ZNF131: variants seen among roughly 807,000 people sequenced by gnomAD.
The protein encoded by ZNF131 is zinc finger and BTB domain containing 35, also known as zinc finger protein 131.
Under a neutral mutation model 60.0 loss-of-function variants are expected in ZNF131, and 7 were observed. The observed-to-expected ratio is 0.12, with a 90% CI of 0.07 to 0.22. The LOEUF (loss-of-function observed/expected upper bound fraction) is 0.22. ZNF131 is among the 10% of genes least tolerant of loss of function. ZNF131 has a pLI of 1.00. For synonymous variants in ZNF131, 257 were observed against 253.2 expected, an observed-to-expected ratio of 1.01 and a Z score of -0.14; for missense variants, 493 against 740.9, an observed-to-expected ratio of 0.67 and a Z score of 3.88.
At chr5:43,159,434 C>T (rs1002936511) in intron 4 of ZNF131, among the ~76,000 whole-genome samples, 16 of 152,072 alleles carry the variant, frequency 1.1e-4, no homozygotes, top group Non-Finnish European at 2.2e-4. Flanking sequence ...TGGCTCTTAC[C>T]GGTAATTCCA....
At chr5:43,127,306 C>T (rs932488840) in intron 3 of ZNF131, among the ~76,000 whole-genome samples, 2 of 152,148 alleles carry the variant, frequency 1.3e-5, no homozygotes, top group Admixed American at 6.5e-5. Context: ...AATTAAAAAT[C>T]TTTCAGGAGT....
intron 5 of ZNF131, 42 bp downstream of exon 5, chr5:43,161,973 G>A: frequency 6.6e-7 from 1 of 1,510,424 alleles, no homozygotes. Flanking sequence ...TTTCCCACAT[G>A]CACTTCAAAT....
Position 43,158,499 on chromosome 5 carries a change from A to G in ZNF131, c.372-2750A>G, listed in dbSNP as rs536218540. ...GAGATGGGGTTTCTCTATGTTGGTC[A>G]GGCTGGTCTCGAACTCCTGACCTCA... On this transcript the variant is annotated intron_variant, in intron 4 of 6. Coordinates refer to ENST00000682664, the MANE Select transcript of ZNF131 (RefSeq NM_001330707.2). Among the ~76,000 whole-genome samples the G allele has an allele frequency of 8.5e-5, 13 of 152,262 alleles. No individual in the cohort carries two copies. In the South Asian group the frequency reaches 2.7e-3, roughly 32 times the overall value.
chr5:43,148,702 T>A (rs137893576), intron 4 of ZNF131, among the ~76,000 whole-genome samples: 42 of 152,374 alleles, frequency 2.8e-4, no homozygotes, highest in African/African-American at 1.0e-3. Flanking sequence ...TCATTCTAAT[T>A]GGATATGTAG....
intron 5 of ZNF131, among the ~76,000 whole-genome samples, chr5:43,163,155 A>T (rs889802019): frequency 1.3e-5 from 2 of 151,408 alleles, no homozygotes; most frequent in Non-Finnish European, 2.9e-5. Flanking sequence ...TTGTATTTTT[A>T]GTAGAGACGG....
intron 5 of ZNF131, among the ~76,000 whole-genome samples, chr5:43,172,933 C>CCTAGCACATGGT (rs1242941866): frequency 1.3e-5 from 2 of 152,142 alleles, no homozygotes; most frequent in African/African-American, 2.4e-5. Context: ...ACCTTCATCA[C>CCTAGCACATGGT]CTAGCACATG....
intron 2 of ZNF131, among the ~76,000 whole-genome samples, chr5:43,122,404 T>C (rs1180781701): frequency 6.6e-6 from 1 of 152,196 alleles, no homozygotes; most frequent in East Asian, 1.9e-4. Context: ...CGTAGTCTGG[T>C]GTTCATCTCA....
chr5:43,143,898 C>CT lies in ZNF131; in HGVS notation c.371+4627dup, dbSNP rs79246574. ...TAGGTTCTCTGGAATATTGTCAGAG[C>CT]TTTTTTTTTTTTTTTTTTTTTTTTT... is the stretch of plus-strand genomic sequence containing the variant. On this transcript the variant is annotated intron_variant, in intron 4 of 6. Transcript: ENST00000682664. Among the ~76,000 whole-genome samples the CT allele has an allele frequency of 4.7e-3, 164 of 34,988 alleles. 48 individuals are homozygous for CT. Among genetic ancestry groups the CT allele is most frequent in the Non-Finnish European group, 5.7e-3 (114 of 20,168 alleles). The allele number at this position is 34,988 out of a possible 152,430, so 23.0% of individuals were successfully genotyped here.
chr5:43,143,673 TAA>T (rs1747148777), intron 4 of ZNF131, among the ~76,000 whole-genome samples: 1 of 152,148 alleles, frequency 6.6e-6, no homozygotes, highest in Admixed American at 6.6e-5. Flanking sequence ...GAAATTTTCT[TAA>T]AAGTCTTAAA....
At chr5:43,147,510 C>T (rs1308799639) in intron 4 of ZNF131, among the ~76,000 whole-genome samples, 1 of 151,568 alleles carries the variant, frequency 6.6e-6, no homozygotes, top group Non-Finnish European at 1.5e-5. Flanking sequence ...CTCCGCCTCC[C>T]GGGTTCACGC....
At chr5:43,159,856 C>T (rs577238705) in intron 4 of ZNF131, among the ~76,000 whole-genome samples, 23 of 152,044 alleles carry the variant, frequency 1.5e-4, no homozygotes, top group African/African-American at 5.1e-4. Flanking sequence ...TGATTTCTGC[C>T]TTTCTTATGC....
chr5:43,162,707 C>A (rs1229340481), intron 5 of ZNF131, among the ~76,000 whole-genome samples: 1 of 151,384 alleles, frequency 6.6e-6, no homozygotes, highest in African/African-American at 2.4e-5. Context: ...GTTCAGAGAC[C>A]AGCCTGACCA....
At chr5:43,152,777 T>C (rs1160070646) in intron 4 of ZNF131, among the ~76,000 whole-genome samples, 1 of 151,930 alleles carries the variant, frequency 6.6e-6, no homozygotes, top group African/African-American at 2.4e-5. Flanking sequence ...CCAGCTAATC[T>C]TTTATAATTT....
chr5:43,139,346 T>C (rs758987729), intron 4 of ZNF131, 37 bp downstream of exon 4: 6 of 1,518,992 alleles, frequency 3.9e-6, no homozygotes, highest in Admixed American at 2.1e-5. Flanking sequence ...GATAGTCATA[T>C]TCAGTCATGT....
chr5:43,169,399 T>C (rs1750712892), intron 5 of ZNF131, among the ~76,000 whole-genome samples: 1 of 152,266 alleles, frequency 6.6e-6, no homozygotes. Context: ...TCGTTTCTAC[T>C]CAGGTAGATC....
intron 3 of ZNF131, 30 bp from the exon 4 acceptor site, chr5:43,139,135 T>C: frequency 6.7e-7 from 1 of 1,492,972 alleles, no homozygotes. Context: ...TCAATATGAT[T>C]ACATGCTCTA....
intron 5 of ZNF131, among the ~76,000 whole-genome samples, chr5:43,165,758 C>A (rs1270273030): frequency 1.3e-5 from 2 of 152,174 alleles, no homozygotes; most frequent in African/African-American, 4.8e-5. Flanking sequence ...TAGCTCCCAA[C>A]AAGAAAGTTA....
At chr5:43,148,345 C>G (rs1263650608) in intron 4 of ZNF131, among the ~76,000 whole-genome samples, 1 of 152,186 alleles carries the variant, frequency 6.6e-6, no homozygotes, top group Non-Finnish European at 1.5e-5. Flanking sequence ...TGCTGCTGCA[C>G]TCCAGCCTGT....
chr5:43,173,057 A>G (rs1751200720), intron 5 of ZNF131: 3 of 258,670 alleles, frequency 1.2e-5, no homozygotes, highest in East Asian at 1.5e-4. Context: ...TAAGAAGTGT[A>G]AAGACATGGA....
Sources: allele counts gnomAD v4.1 joint callset (sites outside exome capture counted in the v4.1 genomes callset), GRCh38; gene constraint gnomAD v4.1.1; transcripts MANE v1.5; gene names NCBI Gene and HGNC (gene_info 2026-07-23, HGNC 2026-07-21).